Variants in AP5Z1 observed in about 807,000 individuals in gnomAD.
The protein encoded by AP5Z1 is AP-5 complex subunit zeta-1.
A neutral mutation model predicts 83.0 loss-of-function variants in AP5Z1; 106 were observed. The ratio of observed to expected loss-of-function variants is 1.28; its 90% CI spans 1.09 to 1.50. The LOEUF (loss-of-function observed/expected upper bound fraction) is 1.50, where lower values mean the gene tolerates loss of function less well. AP5Z1 is among the 40% of genes most tolerant of loss of function. The probability of loss-of-function intolerance (pLI) is 0.00; values close to 1 mark genes in which losing one functional copy is unlikely to be tolerated. For synonymous variants in AP5Z1, 751 were observed against 514.1 expected (o/e 1.46, Z -6.23); for missense variants, 1,565 against 1,094.2 (o/e 1.43, Z -6.07).
chr7:4,788,298 C>G lies in AP5Z1; in HGVS notation c.1595+4C>G. 6.3e-7 allele frequency: 1 copy of G among 1,583,642 alleles called. No homozygotes were observed. The highest frequency in any genetic ancestry group is 8.6e-7 in the Non-Finnish European group (1 of 1,166,374). ...AGGCCAGTGGCGCCACTGAGAGGTA[C>G]GGGGCCCTAGGGCCAGGGGGCCACC... On this transcript the variant is annotated splice_donor_region_variant and intron_variant, in intron 12 of 16. Coordinates refer to ENST00000649063, the MANE Select transcript of AP5Z1 (RefSeq NM_014855.3).
chr7:4,781,941 A>G (rs1435324623), intron 3 of AP5Z1, among the ~76,000 whole-genome samples, 187 bp downstream of exon 3: 2 of 152,210 alleles, frequency 1.3e-5, no homozygotes, highest in Non-Finnish European at 2.9e-5. Flanking sequence ...CATGCCCAGC[A>G]GGCCCACGTG....
chr7:4,787,355 G>A (rs1781579397), intron 10 of AP5Z1, among the ~76,000 whole-genome samples: 1 of 152,116 alleles, frequency 6.6e-6, no homozygotes, highest in Non-Finnish European at 1.5e-5. Context: ...ACATGGTGGT[G>A]TGTGCCTGTA....
intron 6 of AP5Z1, 90 bp downstream of exon 6, chr7:4,784,461 G>GA: frequency 2.8e-6 from 4 of 1,430,992 alleles, no homozygotes; most frequent in Non-Finnish European, 3.7e-6. Context: ...GAGGTGGGGG[G>GA]ACTCGGGTGT....
chr7:4,789,251 C>G (rs1001437695), intron 13 of AP5Z1, among the ~76,000 whole-genome samples: 2 of 152,042 alleles, frequency 1.3e-5, no homozygotes, highest in African/African-American at 2.4e-5. Flanking sequence ...GGTCCTGTCT[C>G]CCATCCCAGC....
At chr7:4,788,586 A>T in intron 12 of AP5Z1, 1 of 496,508 alleles carries the variant, frequency 2.0e-6, no homozygotes, top group South Asian at 3.9e-5. Flanking sequence ...GAGCCCAGGA[A>T]GCAGGAGGCC....
At chr7:4,787,052 A>T (rs1406068409) in intron 10 of AP5Z1, among the ~76,000 whole-genome samples, 1 of 151,618 alleles carries the variant, frequency 6.6e-6, no homozygotes. Flanking sequence ...GATTACAGGC[A>T]TGAGCCACCG....
chr7:4,790,494 TGA>T lies in AP5Z1; in HGVS notation c.1842_1843del (p.Lys615ThrfsTer147). 6.2e-7 allele frequency: 1 copy of T among 1,613,160 alleles called. No homozygotes were observed. The highest frequency in any genetic ancestry group is 1.1e-5 in the South Asian group (1 of 91,084). ...TCTCAGTTCCTGGCCCTGTGTACGC[TGA>T]AACCCTCCCTGGTGGTGGAGCTGGC... On this transcript the variant is annotated frameshift_variant, in exon 15 of 17. Transcript: ENST00000649063. LOFTEE classifies it high-confidence loss of function.
At position 4,785,966 on chromosome 7, in the gene AP5Z1, G is replaced by C. The variant is rs187364052; in HGVS notation, c.1132+282G>C. 2.6e-3 allele frequency among the ~76,000 whole-genome samples: 398 copies of C among 152,256 alleles called. 2 individuals carry two copies. Among genetic ancestry groups the C allele is most frequent in the African/African-American group, 9.3e-3 (386 of 41,540 alleles). ...TTGGTAATTTTTAAACTTTTAAATA[G>C]AGAAATAAACAGACTCTTTTTGCTG... is the stretch of plus-strand genomic sequence containing the variant. On this transcript the variant is annotated intron_variant, in intron 9 of 16. Transcript: ENST00000649063.
intron 3 of AP5Z1, among the ~76,000 whole-genome samples, chr7:4,782,896 C>T (rs1036435474): frequency 2.6e-5 from 4 of 152,148 alleles, no homozygotes; most frequent in Admixed American, 2.0e-4. Flanking sequence ...CCTGCCCTGA[C>T]GGCCCTGCCC....
In AP5Z1 at chr7:4,784,902, C is replaced by G. The variant is rs765780721; in HGVS notation, c.791-6C>G. On this transcript the variant is annotated splice_region_variant and splice_polypyrimidine_tract_variant and intron_variant, in intron 6 of 16. Transcript: ENST00000649063. ...TCAGCCTGCTGAGAGTTCCCACCTC[C>G]CGCAGATGACAGGTCAGAGCAGGAG... 1 of 1,607,224 alleles carries G rather than the reference C, an allele frequency of 6.2e-7. No individual in the cohort carries two copies. Among genetic ancestry groups the G allele is most frequent in the South Asian group, 1.1e-5 (1 of 90,628 alleles).
chr7:4,791,669 A>C lies in AP5Z1; in HGVS notation c.*284A>C. 2.0e-6 allele frequency: 1 copy of C among 509,338 alleles called. No homozygotes were observed. Among genetic ancestry groups the C allele is most frequent in the Non-Finnish European group, 3.5e-6 (1 of 288,798 alleles). The allele number at this position is 509,338 out of a possible 1,614,324, so 31.6% of individuals were successfully genotyped here. On this transcript the variant is annotated 3_prime_UTR_variant, in exon 17 of 17. Transcript: ENST00000649063. The stretch of plus-strand genomic sequence containing the variant: ...GAGGCCCTGTGGCTGGGTCGGGTGG[A>C]GGCTGCTGGGTCTGTTTCCTAGTCT...
chr7:4,780,319 A>G (rs1781345253), intron 1 of AP5Z1, among the ~76,000 whole-genome samples: 1 of 152,186 alleles, frequency 6.6e-6, no homozygotes, highest in Non-Finnish European at 1.5e-5. Context: ...GTTCTTTAAT[A>G]TATAAGATTT....
rs1056631913 is a variant in AP5Z1 at position 4,788,164 on chromosome 7, G to A, written c.1465G>A (p.Ala489Thr). The A allele has an allele frequency of 5.8e-6, 9 of 1,552,746 alleles. No homozygotes were observed. The highest frequency in any genetic ancestry group is 7.8e-6 in the Non-Finnish European group (9 of 1,149,018). Residue 489 changes from alanine (A) to threonine (T), a missense_variant, in exon 12 of 17, where the codon GCT (alanine) becomes ACT (threonine). By Grantham distance (58) the Ala-to-Thr change is moderately conservative. Transcript: ENST00000649063. Reference sequence around the variant, plus strand: ...CGTCTGTCCACGCAGGTCAGCACCGGCTGCATCCGAGAGGCCACTCTGGGA... The same window carrying A: ...CGTCTGTCCACGCAGGTCAGCACCGACTGCATCCGAGAGGCCACTCTGGGA... ...VLDLQLRSAP[A>T]ASERPLWDTS... is the part of the protein sequence containing the mutation.
rs1444007726 is a variant in AP5Z1 at position 4,791,476 on chromosome 7, C to CG, written c.*94dup. 2 of 1,472,056 alleles carry CG rather than the reference C, an allele frequency of 1.4e-6. No homozygotes were observed. The highest frequency in any genetic ancestry group is 2.5e-5 in the East Asian group (1 of 40,248). The allele number at this position is 1,472,056 out of a possible 1,614,324, so 91.2% of individuals were successfully genotyped here. A position where few individuals can be genotyped will look rare whatever the true frequency, so the allele number is the denominator to read the frequency against. On this transcript the variant is annotated 3_prime_UTR_variant, in exon 17 of 17. Transcript: ENST00000649063. ...AGGCTGATAGGAGCTCAGGAGGGCG[C>CG]GGGAGTCCTGGGAGAGGAGGCAAGG...
intron 1 of AP5Z1, among the ~76,000 whole-genome samples, chr7:4,777,275 C>T (rs1781253240): frequency 6.6e-6 from 1 of 151,984 alleles, no homozygotes; most frequent in South Asian, 2.1e-4. Flanking sequence ...GGAAAAACAC[C>T]CACTGAGAAC....
intron 11 of AP5Z1, 151 bp from the exon 12 acceptor site, chr7:4,788,003 C>G (rs574100914): frequency 7.6e-7 from 1 of 1,309,464 alleles, no homozygotes; most frequent in South Asian, 1.6e-5. Flanking sequence ...CACCCGTCTT[C>G]ACGCCCAGGC....
intron 1 of AP5Z1, among the ~76,000 whole-genome samples, chr7:4,780,959 T>C (rs59856875): frequency 1.5e-3 from 222 of 152,252 alleles, no homozygotes; most frequent in African/African-American, 5.1e-3. Flanking sequence ...TTCGTCATAG[T>C]GCGCTGCAGC....
At chr7:4,779,512 C>G (rs1196485016) in intron 1 of AP5Z1, among the ~76,000 whole-genome samples, 2 of 150,190 alleles carry the variant, frequency 1.3e-5, no homozygotes, top group Non-Finnish European at 3.0e-5. Flanking sequence ...CTTACTCTGT[C>G]ACCCAGGCTG....
chr7:4,793,152 T>C lies in AP5Z1; in HGVS notation c.*1767T>C, dbSNP rs570033468. ...CATCCAAGGGACAAGGAGGAGCTCA[T>C]GGCCACAGGGCCTCGGAGGGCATGA... On this transcript the variant is annotated 3_prime_UTR_variant, in exon 17 of 17. Coordinates refer to ENST00000649063, the MANE Select transcript of AP5Z1 (RefSeq NM_014855.3). 2 of 152,428 alleles carry C rather than the reference T, an allele frequency of 1.3e-5. No homozygotes were observed. The highest frequency in any genetic ancestry group is 2.1e-4 in the South Asian group (1 of 4,828). The allele number at this position is 152,428 out of a possible 1,614,324, so 9.4% of individuals were successfully genotyped here. A position where few individuals can be genotyped will look rare whatever the true frequency, so the allele number is the denominator to read the frequency against.
Sources: gnomAD v4.1 joint callset for allele counts (sites outside exome capture counted in the v4.1 genomes callset) on GRCh38, gnomAD v4.1.1 for gene constraint, MANE v1.5 for transcripts, NCBI Gene and HGNC (gene_info 2026-07-23, HGNC 2026-07-21) for gene names.